Variants in CASD1 observed in about 807,000 individuals in gnomAD.
The protein encoded by CASD1 is CAS1 domain sialic acid O acetyltransferase 1, also known as N-acetylneuraminate (7)9-O-acetyltransferase.
Under a neutral mutation model 100.0 loss-of-function variants are expected in CASD1, and 41 were observed. That is an observed-to-expected ratio of 0.41 (90% CI 0.32 to 0.53). The LOEUF is 0.53. CASD1 is among the 20% of genes least tolerant of loss of function. The pLI, the probability that CASD1 is intolerant of heterozygous loss-of-function variation, is 0.25. For synonymous variants in CASD1, 321 were observed against 315.6 expected, an observed-to-expected ratio of 1.02 and a Z score of -0.18; for missense variants, 774 against 948.7, an observed-to-expected ratio of 0.82 and a Z score of 2.42.
chr7:94,538,080 G>A (rs560976050), intron 9 of CASD1, among the ~76,000 whole-genome samples, 186 bp downstream of exon 9: 26 of 152,250 alleles, frequency 1.7e-4, no homozygotes, highest in South Asian at 6.2e-4. Flanking sequence ...ACAGTTTGGA[G>A]AAAGGTCAGA....
chr7:94,629,666 T>G, the CASD1 span: 1 of 1,588,972 alleles, frequency 6.3e-7, no homozygotes, highest in Non-Finnish European at 8.6e-7. Flanking sequence ...TTATGCAAAT[T>G]AAACAAAAAA....
intron 16 of CASD1, among the ~76,000 whole-genome samples, chr7:94,553,422 C>T (rs1339416520): frequency 6.6e-6 from 1 of 152,104 alleles, no homozygotes; most frequent in Non-Finnish European, 1.5e-5. Flanking sequence ...TTTAATTATA[C>T]CTGAGTGGTT....
intron 17 of CASD1, 113 bp from the exon 18 acceptor site, chr7:94,555,379 T>A (rs10238176): frequency 0.49 from 515,163 of 1,059,918 alleles, 126,915 homozygotes; most frequent in South Asian, 0.51. Context: ...AATAAAATGG[T>A]TTTAGGAAAG....
intron 1 of CASD1, among the ~76,000 whole-genome samples, chr7:94,513,879 A>G (rs1793841319): frequency 6.6e-6 from 1 of 152,284 alleles, no homozygotes; most frequent in South Asian, 2.1e-4. Flanking sequence ...AATTATTAAT[A>G]TTATTTTCAC....
chr7:94,570,434 T>C, the CASD1 span, among the ~76,000 whole-genome samples: 4 of 152,226 alleles, frequency 2.6e-5, no homozygotes, highest in African/African-American at 9.6e-5. Context: ...ATGTTATTGA[T>C]GTCACAAATT....
At chr7:94,573,896 A>G in the CASD1 span, among the ~76,000 whole-genome samples, 13 of 152,158 alleles carry the variant, frequency 8.5e-5, no homozygotes, top group African/African-American at 2.9e-4. Context: ...ATTTTGAAGT[A>G]TGTTCCTTCA....
At chr7:94,567,374 C>G in the CASD1 span, among the ~76,000 whole-genome samples, 1 of 152,032 alleles carries the variant, frequency 6.6e-6, no homozygotes, top group South Asian at 2.1e-4. Context: ...CAGTGGTTAC[C>G]TTATCTTTCT....
downstream of CASD1, among the ~76,000 whole-genome samples, chr7:94,561,618 A>G (rs570393834): frequency 4.6e-5 from 7 of 152,198 alleles, no homozygotes; most frequent in Admixed American, 1.3e-4. Flanking sequence ...TTTTTCCTAA[A>G]GAGAACCTCG....
At chr7:94,612,385 A>G in the CASD1 span, among the ~76,000 whole-genome samples, 1 of 152,194 alleles carries the variant, frequency 6.6e-6, no homozygotes, top group Admixed American at 6.6e-5. Context: ...TATTTTTCAA[A>G]TGCATATATT....
chr7:94,591,533 G>A, the CASD1 span, among the ~76,000 whole-genome samples: 4 of 152,126 alleles, frequency 2.6e-5, no homozygotes, highest in African/African-American at 4.8e-5. Flanking sequence ...CATAGGTAGT[G>A]GTTAGTAAAC....
chr7:94,615,534 C>T, the CASD1 span, among the ~76,000 whole-genome samples: 1 of 152,124 alleles, frequency 6.6e-6, no homozygotes, highest in African/African-American at 2.4e-5. Flanking sequence ...CATTGACTTC[C>T]ATTCTTTTCC....
the CASD1 span, chr7:94,628,288 G>A: frequency 2.5e-6 from 4 of 1,611,212 alleles, no homozygotes; most frequent in African/African-American, 2.7e-5. Flanking sequence ...TGGATATATC[G>A]AAGCCATCCA....
At chr7:94,575,694 GT>G in the CASD1 span, among the ~76,000 whole-genome samples, 1 of 152,142 alleles carries the variant, frequency 6.6e-6, no homozygotes, top group East Asian at 1.9e-4. Flanking sequence ...TTTAGTTTGT[GT>G]TTATCTGGGA....
chr7:94,593,044 A>G, the CASD1 span, among the ~76,000 whole-genome samples: 2 of 152,166 alleles, frequency 1.3e-5, no homozygotes, highest in Non-Finnish European at 2.9e-5. Flanking sequence ...TTCAACTGAT[A>G]TTAACTTTTA....
the CASD1 span, among the ~76,000 whole-genome samples, chr7:94,581,328 T>C: frequency 6.6e-6 from 1 of 152,228 alleles, no homozygotes; most frequent in South Asian, 2.1e-4. Context: ...ACTTCCATTC[T>C]CATTCTTTCA....
At chr7:94,624,000 A>G in the CASD1 span, 1 of 390,400 alleles carries the variant, frequency 2.6e-6, no homozygotes, top group Non-Finnish European at 4.5e-6. Context: ...AAATATTAGT[A>G]AACATTTGCA....
chr7:94,593,814 A>T, the CASD1 span, among the ~76,000 whole-genome samples: 2 of 152,132 alleles, frequency 1.3e-5, no homozygotes, highest in Non-Finnish European at 2.9e-5. Flanking sequence ...TTAAAACTCC[A>T]TGTAGAGGAA....
At chr7:94,599,405 T>C in the CASD1 span, 1 of 401,042 alleles carries the variant, frequency 2.5e-6, no homozygotes, top group African/African-American at 2.1e-5. Context: ...TGTTCTCTGG[T>C]TTATAGAAAT....
At chr7:94,549,851 T>C (rs949367529) in intron 14 of CASD1, among the ~76,000 whole-genome samples, 2 of 152,082 alleles carry the variant, frequency 1.3e-5, no homozygotes, top group Admixed American at 1.3e-4. Flanking sequence ...AATATTATTT[T>C]AAAATATTAT....
Sources: gnomAD v4.1 joint callset for allele counts (sites outside exome capture counted in the v4.1 genomes callset) on GRCh38, gnomAD v4.1.1 for gene constraint, MANE v1.5 for transcripts, NCBI Gene and HGNC (gene_info 2026-07-23, HGNC 2026-07-21) for gene names.